The following DGKB variants were observed in gnomAD, a reference collection of about 807,000 sequenced individuals.
The protein encoded by DGKB is diacylglycerol kinase beta.
In DGKB, 67 loss-of-function variants were observed where a neutral mutation model predicts 114.3. That is an observed-to-expected ratio of 0.59 (90% CI 0.48 to 0.72). The LOEUF is 0.72. Ranked by LOEUF, DGKB falls within the 30% of genes least tolerant of loss-of-function variation. DGKB has a pLI of 0.00. For synonymous variants in DGKB, 398 were observed against 323.1 expected (o/e 1.23, Z -2.49); for missense variants, 907 against 975.2 (o/e 0.93, Z 0.93).
chr7:14,749,339 T>C (rs1327329436), intron 4 of DGKB, among the ~76,000 whole-genome samples: 1 of 152,166 alleles, frequency 6.6e-6, no homozygotes, highest in Non-Finnish European at 1.5e-5. Context: ...TGTGAAAACC[T>C]TGAATTTTAA....
chr7:14,149,660 G>A (rs1781890508), intron 25 of DGKB, among the ~76,000 whole-genome samples: 1 of 152,054 alleles, frequency 6.6e-6, no homozygotes, highest in Admixed American at 6.6e-5. Flanking sequence ...ATATCAAGAT[G>A]TACTTGGTAT....
intron 1 of DGKB, among the ~76,000 whole-genome samples, chr7:14,887,037 AG>A (rs1267824821): frequency 6.6e-6 from 1 of 151,896 alleles, no homozygotes; most frequent in Non-Finnish European, 1.5e-5. Flanking sequence ...TTCTTCAAAA[AG>A]CCTTTCAGAT....
intron 23 of DGKB, among the ~76,000 whole-genome samples, chr7:14,297,092 A>G (rs1236535389): frequency 2.6e-5 from 4 of 152,156 alleles, no homozygotes; most frequent in Non-Finnish European, 4.4e-5. Context: ...AAAGCCCAGG[A>G]CCAGACAGAT....
chr7:14,382,635 G>A (rs996289462), intron 21 of DGKB, among the ~76,000 whole-genome samples: 10 of 152,134 alleles, frequency 6.6e-5, no homozygotes, highest in African/African-American at 2.2e-4. Context: ...CAACTCACAG[G>A]AAATTGAACA....
intron 9 of DGKB, 66 bp from the exon 10 acceptor site, chr7:14,685,428 A>G (rs1821518714): frequency 7.5e-6 from 9 of 1,207,498 alleles, no homozygotes; most frequent in South Asian, 1.2e-5. Context: ...GTAAGTGCCA[A>G]TGAAATTCAG....
intron 21 of DGKB, among the ~76,000 whole-genome samples, chr7:14,382,876 G>A (rs945870876): frequency 3.5e-4 from 53 of 152,274 alleles, no homozygotes; most frequent in African/African-American, 1.0e-3. Flanking sequence ...GGTGCCCAGT[G>A]GGCAGCAACA....
intron 1 of DGKB, among the ~76,000 whole-genome samples, chr7:14,965,773 T>A (rs1377939090): frequency 6.6e-6 from 1 of 152,132 alleles, no homozygotes; most frequent in Non-Finnish European, 1.5e-5. Context: ...GTCTCATTAG[T>A]TCAAAAATGA....
intron 24 of DGKB, among the ~76,000 whole-genome samples, chr7:14,177,554 C>CAAAAAAAA (rs56019837): frequency 1.7e-4 from 12 of 69,026 alleles, no homozygotes; most frequent in Admixed American, 4.6e-4. Context: ...AACTCCGTCT[C>CAAAAAAAA]AAAAAAAAAA....
chr7:14,584,118 G>A (rs1800362517), intron 17 of DGKB, among the ~76,000 whole-genome samples: 1 of 152,088 alleles, frequency 6.6e-6, no homozygotes, highest in Admixed American at 6.5e-5. Flanking sequence ...CTTCAAATAT[G>A]TCTAAGAGAA....
intron 5 of DGKB, among the ~76,000 whole-genome samples, chr7:14,727,727 A>T (rs1830232867): frequency 6.6e-6 from 1 of 152,104 alleles, no homozygotes; most frequent in South Asian, 2.1e-4. Flanking sequence ...GGGGACCCTG[A>T]CTTTCCTTGT....
At chr7:14,887,211 T>C (rs1351468605) in intron 1 of DGKB, among the ~76,000 whole-genome samples, 1 of 151,756 alleles carries the variant, frequency 6.6e-6, no homozygotes. Flanking sequence ...CCACTGAAAT[T>C]CCCCTTTAAA....
At chr7:14,174,235 C>G (rs1011631237) in intron 25 of DGKB, among the ~76,000 whole-genome samples, 3 of 152,130 alleles carry the variant, frequency 2.0e-5, no homozygotes, top group African/African-American at 7.2e-5. Context: ...GTCAGACTAC[C>G]TGGGTTTCCA....
intron 7 of DGKB, among the ~76,000 whole-genome samples, chr7:14,700,147 C>T (rs2129008670): frequency 6.6e-6 from 1 of 151,490 alleles, no homozygotes; most frequent in Middle Eastern, 3.4e-3. Flanking sequence ...TATTATGTAG[C>T]TTGGTATTTC....
intron 20 of DGKB, among the ~76,000 whole-genome samples, chr7:14,512,675 G>C (rs905255843): frequency 2.0e-5 from 3 of 151,824 alleles, no homozygotes; most frequent in African/African-American, 4.8e-5. Flanking sequence ...TTATAATTAA[G>C]GTGTACATAT....
chr7:14,419,589 T>C (rs2128760699), intron 21 of DGKB, among the ~76,000 whole-genome samples: 1 of 151,758 alleles, frequency 6.6e-6, no homozygotes, highest in South Asian at 2.1e-4. Context: ...ATCCTTAAAG[T>C]TGTGTTGAAA....
At chr7:14,544,925 C>T (rs982672045) in intron 20 of DGKB, among the ~76,000 whole-genome samples, 1 of 151,988 alleles carries the variant, frequency 6.6e-6, no homozygotes, top group African/African-American at 2.4e-5. Flanking sequence ...TCAATTTTCC[C>T]CTTTACTCAC....
At chr7:14,836,504 A>G (rs916752802) in intron 2 of DGKB, among the ~76,000 whole-genome samples, 2 of 152,238 alleles carry the variant, frequency 1.3e-5, no homozygotes, top group African/African-American at 2.4e-5. Context: ...ATTGTTATCC[A>G]TGAAAAGCCC....
rs147327236 is a variant in DGKB at position 14,405,097 on chromosome 7, C to T, written c.1836-59706G>A. On this transcript the variant is annotated intron_variant, in intron 21 of 25. Coordinates refer to ENST00000402815, the MANE Select transcript of DGKB (RefSeq NM_001350709.2). ...TATTTAATATATCTAAATTGAAATT[C>T]TTGATTTCCACATTTCAAATTATTC... Among the ~76,000 whole-genome samples, 402 of 71,806 alleles carry T rather than the reference C, an allele frequency of 5.6e-3. 2 individuals are homozygous for T. Among genetic ancestry groups the T allele is most frequent in the African/African-American group, 0.02 (376 of 18,530 alleles). 47.1% of individuals were successfully genotyped at this position (71,806 alleles called of 152,430 possible). A position where few individuals can be genotyped will look rare whatever the true frequency, so the allele number is the denominator to read the frequency against.
At chr7:14,233,409 T>C (rs1792220736) in intron 23 of DGKB, among the ~76,000 whole-genome samples, 1 of 152,002 alleles carries the variant, frequency 6.6e-6, no homozygotes, top group African/African-American at 2.4e-5. Flanking sequence ...CATGCCAGTG[T>C]CCTTTGTTCT....
Sources: gnomAD v4.1 joint callset for allele counts (sites outside exome capture counted in the v4.1 genomes callset) on GRCh38, gnomAD v4.1.1 for gene constraint, MANE v1.5 for transcripts, NCBI Gene and HGNC (gene_info 2026-07-23, HGNC 2026-07-21) for gene names.